Variants in CCDC102B observed in about 807,000 individuals in gnomAD.
CCDC102B encodes the protein coiled-coil domain containing 102B.
Under a neutral mutation model 57.4 loss-of-function variants are expected in CCDC102B, and 75 were observed. The ratio of observed to expected loss-of-function variants is 1.31; its 90% CI spans 1.08 to 1.58. CCDC102B has a LOEUF of 1.58. CCDC102B is among the 40% of genes most tolerant of loss of function. CCDC102B has a pLI of 0.00. For synonymous variants in CCDC102B, 206 were observed against 201.9 expected, an observed-to-expected ratio of 1.02 and a Z score of -0.17; for missense variants, 636 against 582.6, an observed-to-expected ratio of 1.09 and a Z score of -0.94.
intron 7 of CCDC102B, among the ~76,000 whole-genome samples, chr18:69,031,958 C>T (rs1025961922): frequency 3.3e-5 from 5 of 151,644 alleles, no homozygotes; most frequent in African/African-American, 9.7e-5. Context: ...GCATTTCTGT[C>T]ACTGATTTTT....
At chr18:69,022,386 T>G (rs2051869817) in intron 7 of CCDC102B, among the ~76,000 whole-genome samples, 1 of 151,854 alleles carries the variant, frequency 6.6e-6, no homozygotes, top group Non-Finnish European at 1.5e-5. Flanking sequence ...ATATACTTTT[T>G]TCTTTTGAAT....
upstream of CCDC102B, among the ~76,000 whole-genome samples, chr18:68,797,341 T>C (rs1450773242): frequency 6.6e-6 from 1 of 152,112 alleles, no homozygotes; most frequent in Admixed American, 6.6e-5. Context: ...CCTGTTACCT[T>C]TTGACTTTTC....
intron 6 of CCDC102B, among the ~76,000 whole-genome samples, chr18:69,001,970 C>T (rs1230963600): frequency 6.6e-6 from 1 of 152,120 alleles, no homozygotes; most frequent in Non-Finnish European, 1.5e-5. Context: ...TTCTCAGGCC[C>T]AAGACCTAAT....
chr18:68,897,160 C>G, intron 5 of CCDC102B, 59 bp from the exon 6 acceptor site: 1 of 1,325,882 alleles, frequency 7.5e-7, no homozygotes, highest in South Asian at 1.3e-5. Context: ...TTGTGGGTGG[C>G]ATTATCTTTT....
chr18:68,900,014 A>C (rs2040384198), intron 6 of CCDC102B: 1 of 152,180 alleles, frequency 6.6e-6, no homozygotes, highest in Non-Finnish European at 1.5e-5. Flanking sequence ...GAACTTTTAA[A>C]GGATAGATTG....
intron 2 of CCDC102B, among the ~76,000 whole-genome samples, chr18:68,787,335 G>A (rs905576196): frequency 5.9e-5 from 9 of 151,610 alleles, no homozygotes; most frequent in Admixed American, 3.3e-4. Context: ...GAATGATGCT[G>A]GCCTCATAAA....
chr18:68,839,599 A>G (rs578131260), intron 3 of CCDC102B, among the ~76,000 whole-genome samples: 56 of 152,242 alleles, frequency 3.7e-4, no homozygotes, highest in African/African-American at 1.3e-3. Flanking sequence ...TGTATCTCTC[A>G]CTTGTGCCTT....
At chr18:68,775,761 C>T (rs997911961) in intron 2 of CCDC102B, among the ~76,000 whole-genome samples, 22 of 146,670 alleles carry the variant, frequency 1.5e-4, no homozygotes, top group African/African-American at 5.5e-4. Flanking sequence ...TCAAGTGATT[C>T]TCCTGCCTCA....
At chr18:68,896,114 G>T (rs913308506) in intron 5 of CCDC102B, among the ~76,000 whole-genome samples, 1 of 151,940 alleles carries the variant, frequency 6.6e-6, no homozygotes, top group African/African-American at 2.4e-5. Flanking sequence ...AAATGGTGAA[G>T]TCACATTAGA....
rs1296466641 is a variant in CCDC102B at position 68,730,547 on chromosome 18, C to T, written c.-67+13953C>T. On this transcript the variant is annotated intron_variant, in intron 2 of 3. Coordinates refer to the CCDC102B transcript ENST00000578970. ...CCCACTCATGTAATACTTCTGTCTGCTGATAGATAGATGCAGCTTACTCAA... is the reference window on the plus strand; with the variant it reads ...CCCACTCATGTAATACTTCTGTCTGTTGATAGATAGATGCAGCTTACTCAA... Among the ~76,000 whole-genome samples, 3 of 152,204 alleles carry T rather than the reference C, an allele frequency of 2.0e-5. No individual in the cohort carries two copies. The East Asian group carries it at 5.8e-4, about 29-fold the overall frequency.
chr18:68,878,375 G>A (rs959692721), intron 5 of CCDC102B, among the ~76,000 whole-genome samples: 1 of 152,174 alleles, frequency 6.6e-6, no homozygotes, highest in African/African-American at 2.4e-5. Context: ...TGGGATTACA[G>A]GCGTGAGCCA....
chr18:68,945,623 G>A (rs1042667576), intron 6 of CCDC102B, among the ~76,000 whole-genome samples: 1 of 152,068 alleles, frequency 6.6e-6, no homozygotes, highest in African/African-American at 2.4e-5. Flanking sequence ...GGTTACTGAA[G>A]CATGCTGTTA....
At chr18:69,009,500 T>C (rs919277453) in intron 6 of CCDC102B, among the ~76,000 whole-genome samples, 1 of 151,424 alleles carries the variant, frequency 6.6e-6, no homozygotes, top group Non-Finnish European at 1.5e-5. Context: ...TGAGAGATAC[T>C]GAATATATTT....
At chr18:68,923,207 AG>A (rs1253388865) in intron 6 of CCDC102B, among the ~76,000 whole-genome samples, 1 of 152,006 alleles carries the variant, frequency 6.6e-6, no homozygotes, top group Non-Finnish European at 1.5e-5. Context: ...TAATAAAAAC[AG>A]GGAATCATTT....
At chr18:68,935,837 G>A (rs2049221303) in intron 6 of CCDC102B, among the ~76,000 whole-genome samples, 1 of 151,580 alleles carries the variant, frequency 6.6e-6, no homozygotes, top group South Asian at 2.1e-4. Flanking sequence ...GGAGAAGAGG[G>A]AAGGCAAAGA....
intron 6 of CCDC102B, among the ~76,000 whole-genome samples, chr18:69,001,996 T>C (rs930843461): frequency 6.6e-6 from 1 of 152,192 alleles, no homozygotes; most frequent in Non-Finnish European, 1.5e-5. Flanking sequence ...GAGTAATTTA[T>C]TTAGTAAGTA....
At chr18:68,895,277 G>A (rs1349112683) in intron 5 of CCDC102B, among the ~76,000 whole-genome samples, 1 of 151,594 alleles carries the variant, frequency 6.6e-6, no homozygotes, top group Non-Finnish European at 1.5e-5. Flanking sequence ...TGCCAAGAAT[G>A]TAATTTTGGT....
chr18:68,877,251 A>G (rs1350762411), intron 5 of CCDC102B, among the ~76,000 whole-genome samples: 2 of 152,224 alleles, frequency 1.3e-5, no homozygotes, highest in African/African-American at 4.8e-5. Context: ...TGTGAGTGGG[A>G]AAAGAAGGGA....
intron 6 of CCDC102B, among the ~76,000 whole-genome samples, chr18:68,943,125 A>C (rs2145174080): frequency 6.8e-6 from 1 of 147,208 alleles, no homozygotes; most frequent in South Asian, 2.2e-4. Flanking sequence ...ACAGATTAAC[A>C]GTATCTCAAG....
Sources: gnomAD v4.1 joint callset for allele counts (sites outside exome capture counted in the v4.1 genomes callset) on GRCh38, gnomAD v4.1.1 for gene constraint, MANE v1.5 for transcripts, NCBI Gene and HGNC (gene_info 2026-07-23, HGNC 2026-07-21) for gene names.